Variants in MAGI2 observed in about 807,000 individuals in gnomAD.
MAGI2 encodes membrane-associated guanylate kinase, WW and PDZ domain-containing protein 2.
A neutral mutation model predicts 133.3 loss-of-function variants in MAGI2; 35 were observed. That is an observed-to-expected ratio of 0.26 (90% CI 0.20 to 0.35). The LOEUF (loss-of-function observed/expected upper bound fraction) is 0.35. Ranked by LOEUF, MAGI2 falls within the 10% of genes least tolerant of loss-of-function variation. MAGI2 has a pLI of 1.00. For missense variants in MAGI2, 1,636 were observed against 1,863.4 expected, an observed-to-expected ratio of 0.88 and a Z score of 2.25; for synonymous variants, 729 against 710.6, an observed-to-expected ratio of 1.03 and a Z score of -0.41.
At chr7:79,086,054 C>T (rs776876124) in intron 1 of MAGI2, among the ~76,000 whole-genome samples, 7 of 151,838 alleles carry the variant, frequency 4.6e-5, no homozygotes, top group Non-Finnish European at 7.4e-5. Context: ...TATTCGAAAA[C>T]CTCCTACAAA....
intron 2 of MAGI2, among the ~76,000 whole-genome samples, chr7:78,802,788 A>G (rs1280674811): frequency 1.3e-5 from 2 of 152,210 alleles, no homozygotes; most frequent in Non-Finnish European, 2.9e-5. Context: ...AGGTTCATCA[A>G]TTGTAACAAA....
At chr7:78,613,110 G>C (rs992003397) in intron 3 of MAGI2, among the ~76,000 whole-genome samples, 1 of 152,242 alleles carries the variant, frequency 6.6e-6, no homozygotes, top group Admixed American at 6.5e-5. Flanking sequence ...CATTTACTAA[G>C]AGAAGACGCC....
At chr7:78,663,963 C>G (rs1813260633) in intron 2 of MAGI2, among the ~76,000 whole-genome samples, 2 of 152,160 alleles carry the variant, frequency 1.3e-5, no homozygotes, top group Admixed American at 6.5e-5. Context: ...ATTTTTTTGA[C>G]ATTTTCATGG....
intron 10 of MAGI2, among the ~76,000 whole-genome samples, chr7:78,242,691 T>C (rs534000249): frequency 6.6e-6 from 1 of 152,358 alleles, no homozygotes; most frequent in East Asian, 1.9e-4. Context: ...TCTTTATCAG[T>C]GATAGCTATT....
At chr7:78,155,980 T>C (rs1824347819) in intron 16 of MAGI2, among the ~76,000 whole-genome samples, 1 of 152,174 alleles carries the variant, frequency 6.6e-6, no homozygotes, top group African/African-American at 2.4e-5. Context: ...CGTATCTCCA[T>C]CCATAGGGAG....
intron 1 of MAGI2, among the ~76,000 whole-genome samples, chr7:79,171,771 T>TATATATATATATA (rs1554394312): frequency 4.2e-3 from 84 of 19,946 alleles, no homozygotes; most frequent in African/African-American, 6.3e-3. Flanking sequence ...TATATATATA[T>TATATATATATATA]TTTTTTTTTT....
intron 2 of MAGI2, among the ~76,000 whole-genome samples, chr7:78,740,022 G>C (rs543528747): frequency 4.6e-5 from 7 of 152,070 alleles, no homozygotes; most frequent in Non-Finnish European, 8.8e-5. Flanking sequence ...TTAGCTGGGC[G>C]TGGTGGCGGG....
At chr7:78,212,612 A>G (rs1341786089) in intron 10 of MAGI2, among the ~76,000 whole-genome samples, 1 of 152,206 alleles carries the variant, frequency 6.6e-6, no homozygotes, top group Non-Finnish European at 1.5e-5. Context: ...CAGTACTATA[A>G]GGTCAGTTTA....
At chr7:79,056,947 A>G (rs779973637) in intron 1 of MAGI2, among the ~76,000 whole-genome samples, 1 of 152,202 alleles carries the variant, frequency 6.6e-6, no homozygotes, top group Non-Finnish European at 1.5e-5. Flanking sequence ...CTTCTTAAGA[A>G]GTGAAACTGT....
chr7:78,773,670 T>A (rs139427824), intron 2 of MAGI2, among the ~76,000 whole-genome samples: 26 of 152,250 alleles, frequency 1.7e-4, no homozygotes, highest in African/African-American at 5.8e-4. Context: ...GACAGTCACA[T>A]AGAATAGGTA....
intron 1 of MAGI2, among the ~76,000 whole-genome samples, chr7:79,436,055 G>A (rs938355916): frequency 6.6e-6 from 1 of 151,962 alleles, no homozygotes; most frequent in Admixed American, 6.6e-5. Flanking sequence ...CTGAGATATT[G>A]GCTATCCATA....
chr7:78,605,781 G>A (rs2150894298), intron 3 of MAGI2, among the ~76,000 whole-genome samples: 1 of 152,286 alleles, frequency 6.6e-6, no homozygotes, highest in East Asian at 1.9e-4. Flanking sequence ...GTTTTTGCAA[G>A]GAAGGAGTTA....
chr7:78,423,001 ATTG>A (rs1798937910), intron 6 of MAGI2, among the ~76,000 whole-genome samples: 1 of 152,192 alleles, frequency 6.6e-6, no homozygotes, highest in Non-Finnish European at 1.5e-5. Context: ...TTTTCCACCT[ATTG>A]TTATTATTTA....
intron 2 of MAGI2, chr7:78,902,677 T>C (rs1799007): frequency 1.3e-5 from 2 of 152,186 alleles, no homozygotes; most frequent in Non-Finnish European, 2.9e-5. Context: ...GTGGGTTGCT[T>C]GTGTGAAACA....
intron 6 of MAGI2, among the ~76,000 whole-genome samples, chr7:78,418,752 C>A (rs907855680): frequency 2.6e-5 from 4 of 151,960 alleles, no homozygotes; most frequent in Admixed American, 2.6e-4. Flanking sequence ...CTGAAAAGGG[C>A]AAATATAGCC....
chr7:78,838,553 T>C (rs750550655), intron 2 of MAGI2, among the ~76,000 whole-genome samples: 7 of 151,638 alleles, frequency 4.6e-5, no homozygotes, highest in Non-Finnish European at 8.8e-5. Flanking sequence ...TTCTAAATTA[T>C]GGAAACTATA....
chr7:79,321,689 T>C (rs931718504), intron 1 of MAGI2, among the ~76,000 whole-genome samples: 1 of 152,200 alleles, frequency 6.6e-6, no homozygotes, highest in African/African-American at 2.4e-5. Context: ...GTTGTCCTTT[T>C]TCAATAAGTG....
chr7:78,150,546 T>C (rs1470398587), intron 16 of MAGI2, among the ~76,000 whole-genome samples: 1 of 152,188 alleles, frequency 6.6e-6, no homozygotes, highest in Non-Finnish European at 1.5e-5. Context: ...TAGAGGATCA[T>C]CCTGTACATG....
At chr7:78,361,599 A>G (rs891079062) in intron 7 of MAGI2, among the ~76,000 whole-genome samples, 1 of 152,214 alleles carries the variant, frequency 6.6e-6, no homozygotes, top group African/African-American at 2.4e-5. Context: ...GAACATTTAT[A>G]TACATAACTG....
Sources: gnomAD v4.1 joint callset for allele counts (sites outside exome capture counted in the v4.1 genomes callset) on GRCh38, gnomAD v4.1.1 for gene constraint, MANE v1.5 for transcripts, NCBI Gene and HGNC (gene_info 2026-07-23, HGNC 2026-07-21) for gene names.